The following CACNB2 variants were observed in gnomAD, a reference collection of about 807,000 sequenced individuals.
CACNB2 encodes voltage-dependent L-type calcium channel subunit beta-2.
Under a neutral mutation model 73.3 loss-of-function variants are expected in CACNB2, and 42 were observed. The observed-to-expected ratio is 0.57, with a 90% CI of 0.45 to 0.74. The LOEUF is 0.74. Ranked by LOEUF, CACNB2 falls within the 30% of genes least tolerant of loss-of-function variation. The probability of loss-of-function intolerance (pLI) is 0.00; values close to 1 mark genes in which losing one functional copy is unlikely to be tolerated. For synonymous variants in CACNB2, 348 were observed against 310.3 expected, an observed-to-expected ratio of 1.12 and a Z score of -1.28; for missense variants, 940 against 853.0, an observed-to-expected ratio of 1.10 and a Z score of -1.27.
intron 2 of CACNB2, among the ~76,000 whole-genome samples, chr10:18,211,924 T>C (rs1368755335): frequency 6.6e-6 from 1 of 152,160 alleles, no homozygotes; most frequent in African/African-American, 2.4e-5. Context: ...GCATTAGTTC[T>C]GGTACAAACG....
At chr10:18,253,139 TG>T (rs2037153469) in intron 2 of CACNB2, among the ~76,000 whole-genome samples, 1 of 152,172 alleles carries the variant, frequency 6.6e-6, no homozygotes, top group Non-Finnish European at 1.5e-5. Flanking sequence ...GGAGTTGTCA[TG>T]AGAATCAGAG....
intron 2 of CACNB2, among the ~76,000 whole-genome samples, chr10:18,337,097 T>C (rs1421002455): frequency 1.5e-4 from 23 of 152,110 alleles, no homozygotes; most frequent in Admixed American, 1.5e-3. Flanking sequence ...TCTTTTGCTT[T>C]TTGCTTTTCT....
chr10:18,287,093 C>T (rs564658588), intron 2 of CACNB2, among the ~76,000 whole-genome samples: 1 of 152,090 alleles, frequency 6.6e-6, no homozygotes, highest in Admixed American at 6.6e-5. Context: ...CTTTGGGAGG[C>T]TGAGGTGGGT....
At chr10:18,450,762 A>G (rs2046983077) in intron 3 of CACNB2, among the ~76,000 whole-genome samples, 1 of 150,692 alleles carries the variant, frequency 6.6e-6, no homozygotes, top group Non-Finnish European at 1.5e-5. Flanking sequence ...AGCTGGGATT[A>G]CAGGTGTGCA....
intron 2 of CACNB2, among the ~76,000 whole-genome samples, chr10:18,367,087 T>C (rs1214309616): frequency 6.6e-6 from 1 of 152,224 alleles, no homozygotes; most frequent in African/African-American, 2.4e-5. Context: ...TCTGAAGTGG[T>C]AAGAAACATA....
chr10:18,159,571 A>G (rs575227134), intron 2 of CACNB2, among the ~76,000 whole-genome samples: 3 of 152,340 alleles, frequency 2.0e-5, no homozygotes, highest in South Asian at 4.1e-4. Context: ...CTTTCAGAAC[A>G]TGGTATTCTA....
chr10:18,240,879 C>T (rs552131632), intron 2 of CACNB2, among the ~76,000 whole-genome samples: 1 of 152,258 alleles, frequency 6.6e-6, no homozygotes, highest in East Asian at 1.9e-4. Context: ...TGCCCTCTCT[C>T]GCTCTTGTTT....
Position 18,525,045 on chromosome 10 carries a change from A to AAC in CACNB2, c.945-2542_945-2541insCA, listed in dbSNP as rs547543239. Among the ~76,000 whole-genome samples, 760 of 151,414 alleles carry AAC rather than the reference A, an allele frequency of 5.0e-3. 7 individuals carry two copies. Among genetic ancestry groups the AAC allele is most frequent in the African/African-American group, 0.017 (710 of 41,280 alleles). On this transcript the variant is annotated intron_variant, in intron 9 of 13. Transcript: ENST00000324631. ...GATGCTGTCTAAAAAAAAAAAAAAA[A>AAC]AAAACACATTATATGACATAGTTCA...
At chr10:18,424,912 G>T (rs904715882) in intron 3 of CACNB2, among the ~76,000 whole-genome samples, 15 of 152,180 alleles carry the variant, frequency 9.9e-5, no homozygotes, top group African/African-American at 3.6e-4. Flanking sequence ...CAGTCTGGAA[G>T]CATTTATCCG....
chr10:18,148,954 A>G (rs1297662185), intron 1 of CACNB2, among the ~76,000 whole-genome samples: 1 of 150,684 alleles, frequency 6.6e-6, no homozygotes, highest in Non-Finnish European at 1.5e-5. Context: ...GCAGTGAGCC[A>G]TGATCATATC....
chr10:18,174,856 TA>T (rs879759957), intron 2 of CACNB2, among the ~76,000 whole-genome samples: 1 of 151,922 alleles, frequency 6.6e-6, no homozygotes, highest in African/African-American at 2.4e-5. Flanking sequence ...TTCCCTCAAC[TA>T]AAAAAAATGT....
At chr10:18,209,912 T>A (rs892769437) in intron 2 of CACNB2, among the ~76,000 whole-genome samples, 31 of 152,312 alleles carry the variant, frequency 2.0e-4, no homozygotes, top group African/African-American at 7.5e-4. Context: ...TAGTTTGTCA[T>A]TGACAAACTA....
At chr10:18,446,119 A>G (rs186094618) in intron 3 of CACNB2, among the ~76,000 whole-genome samples, 47 of 152,316 alleles carry the variant, frequency 3.1e-4, no homozygotes, top group African/African-American at 1.1e-3. Flanking sequence ...AAGACTTTCC[A>G]TGATGAAATA....
intron 3 of CACNB2, among the ~76,000 whole-genome samples, chr10:18,435,590 C>T (rs975136954): frequency 1.3e-5 from 2 of 152,052 alleles, no homozygotes; most frequent in Non-Finnish European, 2.9e-5. Flanking sequence ...CCTCGACCTC[C>T]CAGGCTCAAG....
chr10:18,306,970 G>A (rs369814578), intron 2 of CACNB2, among the ~76,000 whole-genome samples: 13 of 152,142 alleles, frequency 8.5e-5, no homozygotes, highest in East Asian at 5.8e-4. Flanking sequence ...GGCAAGAGGC[G>A]GTAAGGATGA....
intron 3 of CACNB2, among the ~76,000 whole-genome samples, chr10:18,496,814 CAAAAAAAAAAA>C (rs905870687): frequency 2.2e-5 from 1 of 45,192 alleles, no homozygotes; most frequent in African/African-American, 7.6e-5. Context: ...AACTCCGCCT[CAAAAAAAAAAA>C]AAAAAAAAAG....
intron 2 of CACNB2, among the ~76,000 whole-genome samples, chr10:18,270,251 A>C (rs562069264): frequency 4.4e-4 from 67 of 152,220 alleles, no homozygotes; most frequent in African/African-American, 1.5e-3. Flanking sequence ...TACTATCATA[A>C]AAACAATGTG....
At chr10:18,517,061 G>A (rs1195943522) in intron 7 of CACNB2, among the ~76,000 whole-genome samples, 2 of 152,138 alleles carry the variant, frequency 1.3e-5, no homozygotes, top group African/African-American at 4.8e-5. Context: ...AGTTTGTAAT[G>A]GGCAATTTTA....
At chr10:18,397,023 A>G (rs1290885404) in intron 2 of CACNB2, among the ~76,000 whole-genome samples, 1 of 152,210 alleles carries the variant, frequency 6.6e-6, no homozygotes, top group Non-Finnish European at 1.5e-5. Context: ...AGATGCCGCT[A>G]TGAAATAGGC....
Sources: allele counts gnomAD v4.1 joint callset (sites outside exome capture counted in the v4.1 genomes callset), GRCh38; gene constraint gnomAD v4.1.1; transcripts MANE v1.5; gene names NCBI Gene and HGNC (gene_info 2026-07-23, HGNC 2026-07-21).